Variants in RNF216 observed in about 807,000 individuals in gnomAD.
The protein encoded by RNF216 is ring finger protein 216.
In RNF216, 72 loss-of-function variants were observed where a neutral mutation model predicts 110.8. That is an observed-to-expected ratio of 0.65 (90% CI 0.54 to 0.79). The LOEUF (loss-of-function observed/expected upper bound fraction) is 0.79. Among genes scored for constraint, RNF216 ranks in the 30% least tolerant of loss-of-function variants. RNF216 has a pLI of 0.00. For synonymous variants in RNF216, 495 were observed against 407.5 expected (o/e 1.21, Z -2.59); for missense variants, 1,342 against 1,141.2 (o/e 1.18, Z -2.54).
intron 13 of RNF216, among the ~76,000 whole-genome samples, chr7:5,669,423 A>G (rs1562808793): frequency 1.3e-5 from 2 of 152,194 alleles, no homozygotes. Flanking sequence ...AGACTGGCAG[A>G]GTTTACTCAA....
intron 7 of RNF216, among the ~76,000 whole-genome samples, chr7:5,728,020 C>A (rs1793863365): frequency 6.6e-6 from 1 of 152,104 alleles, no homozygotes; most frequent in African/African-American, 2.4e-5. Flanking sequence ...ATTATTTTTA[C>A]TCAGATGTCT....
chr7:5,707,085 T>C (rs10280662), intron 13 of RNF216, among the ~76,000 whole-genome samples: 9,424 of 152,288 alleles, frequency 0.062, 963 homozygotes, highest in African/African-American at 0.21. Flanking sequence ...CAGCTGATCA[T>C]AAATGTGTGG....
intron 13 of RNF216, among the ~76,000 whole-genome samples, chr7:5,669,729 TA>T (rs553275430): frequency 6.6e-6 from 1 of 152,076 alleles, no homozygotes; most frequent in Non-Finnish European, 1.5e-5. Context: ...CCCCATCTAC[TA>T]AAAATACAAA....
Position 5,721,115 on chromosome 7 carries a change from C to G in RNF216, c.1562G>C (p.Arg521Thr). The change falls in exon 9 of 17, where the codon AGG becomes ACG. Residue 521 changes from arginine (R) to threonine (T), a missense_variant. Arg to Thr is a moderately conservative substitution (Grantham distance 71). Coordinates refer to ENST00000389902, the MANE Select transcript of RNF216 (RefSeq NM_207111.4). ...FFLENKRRHC[R>T]SYDRRALLPA... ...AAGGAGAGCACGTCGGTCATAGGAC[C>G]TACAATGTCGTCGCTTATTTTCAAG... 1 of 1,613,964 alleles carries G rather than the reference C, an allele frequency of 6.2e-7. No individual in the cohort carries two copies. The highest frequency in any genetic ancestry group is 8.5e-7 in the Non-Finnish European group (1 of 1,179,842).
chr7:5,647,076 T>C (rs1383886929), intron 14 of RNF216, among the ~76,000 whole-genome samples: 1 of 151,014 alleles, frequency 6.6e-6, no homozygotes, highest in African/African-American at 2.4e-5. Context: ...TTCAACACAA[T>C]CCACTGGGAG....
chr7:5,653,545 G>A (rs1466283321), intron 13 of RNF216, among the ~76,000 whole-genome samples: 1 of 136,664 alleles, frequency 7.3e-6, no homozygotes. Context: ...AGCTTGCAGT[G>A]AGCCGAGATC....
Position 5,621,165 on chromosome 7 carries a change from A to G in RNF216, c.*1695T>C, listed in dbSNP as rs1223710209. 2 of 132,884 alleles carry G rather than the reference A, an allele frequency of 1.5e-5. No homozygotes were observed. Among genetic ancestry groups the G allele is most frequent in the Non-Finnish European group, 3.1e-5 (2 of 65,432 alleles). 8.2% of individuals were successfully genotyped at this position (132,884 alleles called of 1,614,324 possible). On this transcript the variant is annotated 3_prime_UTR_variant, in exon 17 of 17. Coordinates refer to ENST00000389902, the MANE Select transcript of RNF216 (RefSeq NM_207111.4). ...CTGGGCAAAGGCAGAAAGAATGGGT[A>G]TCTTAGTTTTTTTTTTTTTTTTTTT...
At chr7:5,779,995 A>G (rs981056047) in intron 1 of RNF216, 2 of 152,108 alleles carry the variant, frequency 1.3e-5, no homozygotes, top group East Asian at 1.9e-4. Flanking sequence ...CGAAACATAC[A>G]GCAGCACAAA....
intron 14 of RNF216, among the ~76,000 whole-genome samples, chr7:5,644,828 T>C (rs914209912): frequency 7.8e-5 from 9 of 114,660 alleles, no homozygotes; most frequent in African/African-American, 3.2e-4. Flanking sequence ...TCTTTTTTTC[T>C]TTTTTTTTTT....
Position 5,624,561 on chromosome 7 carries a change from C to T in RNF216, c.2383-436G>A, listed in dbSNP as rs1044390532. Among the ~76,000 whole-genome samples, 3 of 152,234 alleles carry T rather than the reference C, an allele frequency of 2.0e-5. No homozygotes were observed. Among genetic ancestry groups the T allele is most frequent in the Non-Finnish European group, 4.4e-5 (3 of 68,044 alleles). ...GAGCCTGGAAAAGTCTTGCAGATGT[C>T]CTCAACTGAGATGGACAAATGTCCA... On this transcript the variant is annotated intron_variant, in intron 15 of 16. Transcript: ENST00000389902. This position sits in a 1 kb window ranked among gnomAD's most constrained non-coding sequence, Gnocchi z 4.4.
intron 14 of RNF216, among the ~76,000 whole-genome samples, chr7:5,644,985 T>C (rs926064213): frequency 6.6e-6 from 1 of 152,002 alleles, no homozygotes; most frequent in Admixed American, 6.6e-5. Context: ...CCACCACGCC[T>C]GGCTAATTTT....
At position 5,624,179 on chromosome 7, in the gene RNF216, C is replaced by A. The variant is rs868517013; in HGVS notation, c.2383-54G>T. The A allele has an allele frequency of 3.3e-6, 5 of 1,497,766 alleles. No individual in the cohort carries two copies. Among genetic ancestry groups the A allele is most frequent in the Middle Eastern group, 1.7e-4 (1 of 5,862 alleles). 92.8% of individuals were successfully genotyped at this position (1,497,766 alleles called of 1,614,324 possible). ...CCTGTAGCTTCATGCAGTGCTGAGG[C>A]CCCGTGGGACAGTGAGGAGGCCGCT... is the stretch of plus-strand genomic sequence containing the variant. On this transcript the variant is annotated intron_variant, in intron 15 of 16. Coordinates refer to ENST00000389902, the MANE Select transcript of RNF216 (RefSeq NM_207111.4). The surrounding 1 kb of genome is among the most constrained non-coding windows in gnomAD (Gnocchi z 4.4).
intron 7 of RNF216, among the ~76,000 whole-genome samples, chr7:5,729,041 G>A (rs1793929194): frequency 6.6e-6 from 1 of 152,188 alleles, no homozygotes; most frequent in Admixed American, 6.5e-5. Flanking sequence ...GCACTGCTGT[G>A]TTCCCGGACT....
chr7:5,721,069 C>T lies in RNF216; in HGVS notation c.1608G>A (p.Gln536=), dbSNP rs774074866. Residue 536 remains glutamine (Q), a synonymous_variant, in exon 9 of 17, where the codon CAG becomes CAA. Coordinates refer to ENST00000389902, the MANE Select transcript of RNF216 (RefSeq NM_207111.4). ...CTTTGATTTTCTGCTCATAGAACTC[C>T]TGCTCTTGTTGCACAGCTGGAAGGA... ...RALLPAVQQE[Q]EFYEQKIKEM... is the part of the protein sequence containing the mutation. 8 of 1,614,230 alleles carry T rather than the reference C, an allele frequency of 5.0e-6. No individual in the cohort carries two copies. The highest frequency in any genetic ancestry group is 6.8e-6 in the Non-Finnish European group (8 of 1,180,040).
At chr7:5,766,600 A>C (rs942924228) in intron 1 of RNF216, among the ~76,000 whole-genome samples, 1 of 152,338 alleles carries the variant, frequency 6.6e-6, no homozygotes, top group Admixed American at 6.5e-5. Flanking sequence ...GAATCCAACA[A>C]TGCTGAAACT....
chr7:5,725,178 G>C, intron 8 of RNF216, 146 bp downstream of exon 8: 1 of 517,812 alleles, frequency 1.9e-6, no homozygotes, highest in Non-Finnish European at 3.4e-6. Context: ...TTGATGTGCT[G>C]AGAAAATAGT....
At chr7:5,654,129 CCA>C (rs1788580241) in intron 13 of RNF216, among the ~76,000 whole-genome samples, 1 of 152,204 alleles carries the variant, frequency 6.6e-6, no homozygotes, top group South Asian at 2.1e-4. Context: ...GCTAGTAAAG[CCA>C]CTCAGGAGAG....
At chr7:5,753,134 C>G (rs1333165434) in intron 2 of RNF216, among the ~76,000 whole-genome samples, 155 bp from the exon 3 acceptor site, 1 of 152,148 alleles carries the variant, frequency 6.6e-6, no homozygotes, top group East Asian at 1.9e-4. Context: ...GCATTAAGAG[C>G]CATGTTTCTA....
Position 5,624,521 on chromosome 7 carries a change from G to A in RNF216, c.2383-396C>T, listed in dbSNP as rs566755353. Among the ~76,000 whole-genome samples the A allele has an allele frequency of 6.6e-6, 1 of 152,354 alleles. No individual in the cohort carries two copies. The highest frequency in any genetic ancestry group is 2.1e-4 in the South Asian group (1 of 4,834). On this transcript the variant is annotated intron_variant, in intron 15 of 16. Transcript: ENST00000389902. The surrounding 1 kb of genome is among the most constrained non-coding windows in gnomAD (Gnocchi z 4.4). ...TCCCAAGTCCACAAGCGCTCGGCATGGCAGCCTGTCTGCAGAGCCTGGAAA... is the reference window on the plus strand; with the variant it reads ...TCCCAAGTCCACAAGCGCTCGGCATAGCAGCCTGTCTGCAGAGCCTGGAAA...
Sources: gnomAD v4.1 joint callset for allele counts (sites outside exome capture counted in the v4.1 genomes callset) on GRCh38, gnomAD v4.1.1 for gene constraint, Gnocchi (gnomAD v3.1) non-coding constraint, MANE v1.5 for transcripts, NCBI Gene and HGNC (gene_info 2026-07-23, HGNC 2026-07-21) for gene names.